HEPHL1: variants seen among roughly 807,000 people sequenced by gnomAD.
HEPHL1 encodes the protein hephaestin like 1, also known as ferroxidase HEPHL1.
HEPHL1 carries 123 observed loss-of-function variants against 122.0 expected under a neutral mutation model. That is an observed-to-expected ratio of 1.01 (90% CI 0.87 to 1.17). The LOEUF (loss-of-function observed/expected upper bound fraction) is 1.17. Among genes scored for constraint, HEPHL1 ranks in the 50% most tolerant of loss-of-function variants. The pLI is 0.00. For missense variants in HEPHL1, 1,452 were observed against 1,430.5 expected, an observed-to-expected ratio of 1.01 and a Z score of -0.24; for synonymous variants, 527 against 508.9, an observed-to-expected ratio of 1.04 and a Z score of -0.48.
At chr11:94,111,499 G>A in intron 18 of HEPHL1, 38 bp from the exon 19 acceptor site, 1 of 1,486,352 alleles carries the variant, frequency 6.7e-7, no homozygotes, top group Non-Finnish European at 9.2e-7. Context: ...ATCCCCTTCT[G>A]TTGTTAATAA....
Position 94,045,745 on chromosome 11 carries a change from C to T in HEPHL1, c.243C>T (p.Arg81=), listed in dbSNP as rs1320662227. The T allele has an allele frequency of 1.2e-6, 2 of 1,613,828 alleles. No homozygotes were observed. The highest frequency in any genetic ancestry group is 1.7e-6 in the Non-Finnish European group (2 of 1,179,832). ...TTTACAAAAAGGCTGTTTACAGACG[C>T]TTCACGGATGGAACCTACTCCATAG... ...GSIYKKAVYR[R]FTDGTYSIEI... The change falls in exon 2 of 20, where the codon CGC becomes CGT. Residue 81 remains arginine (R), a synonymous_variant. Coordinates refer to ENST00000315765, the MANE Select transcript of HEPHL1 (RefSeq NM_001098672.2).
intron 1 of HEPHL1, among the ~76,000 whole-genome samples, chr11:94,026,077 T>A (rs565329852): frequency 6.6e-6 from 1 of 152,268 alleles, no homozygotes; most frequent in South Asian, 2.1e-4. Flanking sequence ...TATCAGGGGC[T>A]TTCTGTATTT....
intron 9 of HEPHL1, among the ~76,000 whole-genome samples, chr11:94,081,089 G>A (rs1013211372): frequency 5.9e-5 from 9 of 152,142 alleles, no homozygotes; most frequent in Admixed American, 1.3e-4. Context: ...TGTGGTACAC[G>A]TACACCATGG....
At chr11:94,022,577 C>G (rs1264975489) in intron 1 of HEPHL1, among the ~76,000 whole-genome samples, 1 of 152,158 alleles carries the variant, frequency 6.6e-6, no homozygotes, top group Non-Finnish European at 1.5e-5. Flanking sequence ...TCTAACAAAA[C>G]AAAGGTGGTA....
intron 13 of HEPHL1, among the ~76,000 whole-genome samples, chr11:94,095,519 C>T (rs1297419291): frequency 6.6e-6 from 1 of 152,016 alleles, no homozygotes; most frequent in Non-Finnish European, 1.5e-5. Flanking sequence ...TAGTTTTTTC[C>T]AATTCTGTGA....
chr11:94,035,119 C>A (rs112021219), intron 1 of HEPHL1, among the ~76,000 whole-genome samples: 1,563 of 152,262 alleles, frequency 0.01, 27 homozygotes, highest in African/African-American at 0.035. Context: ...TATAAAGCTG[C>A]CTGTGATTTC....
intron 13 of HEPHL1, among the ~76,000 whole-genome samples, chr11:94,097,959 C>G (rs545683174): frequency 3.3e-5 from 5 of 149,376 alleles, no homozygotes; most frequent in Non-Finnish European, 7.5e-5. Flanking sequence ...TGGGTCTTGA[C>G]TCTTTATCCA....
intron 5 of HEPHL1, among the ~76,000 whole-genome samples, chr11:94,068,306 G>A (rs910379480): frequency 5.3e-5 from 8 of 152,074 alleles, no homozygotes; most frequent in Non-Finnish European, 7.4e-5. Context: ...ATCCCCCCTC[G>A]AATTATTTAA....
chr11:94,105,217 C>T (rs1946399096), intron 16 of HEPHL1, among the ~76,000 whole-genome samples: 2 of 152,140 alleles, frequency 1.3e-5, no homozygotes, highest in African/African-American at 4.8e-5. Flanking sequence ...CACATTGACA[C>T]ATCCACAGTT....
At chr11:94,106,880 C>T (rs925790101) in intron 17 of HEPHL1, among the ~76,000 whole-genome samples, 7 of 152,202 alleles carry the variant, frequency 4.6e-5, no homozygotes, top group African/African-American at 1.2e-4. Flanking sequence ...GGCCTAAGCC[C>T]TGAAACTTTA....
intron 1 of HEPHL1, among the ~76,000 whole-genome samples, chr11:94,025,905 C>A (rs553525254): frequency 6.6e-6 from 1 of 152,196 alleles, no homozygotes; most frequent in Non-Finnish European, 1.5e-5. Context: ...CCATATGAAT[C>A]TCTGGGAACT....
intron 15 of HEPHL1, among the ~76,000 whole-genome samples, chr11:94,103,704 T>C (rs1946387798): frequency 6.6e-6 from 1 of 152,206 alleles, no homozygotes; most frequent in South Asian, 2.1e-4. Flanking sequence ...CGTTATTTGA[T>C]GTAAAATGTA....
intron 2 of HEPHL1, among the ~76,000 whole-genome samples, chr11:94,056,210 G>A (rs1164007854): frequency 6.6e-6 from 1 of 151,934 alleles, no homozygotes; most frequent in Non-Finnish European, 1.5e-5. Flanking sequence ...TTTGCTATTT[G>A]AATTATTTTA....
intron 1 of HEPHL1, among the ~76,000 whole-genome samples, chr11:94,031,468 T>C (rs1177058651): frequency 2.0e-5 from 3 of 152,202 alleles, no homozygotes; most frequent in Admixed American, 2.0e-4. Flanking sequence ...CACCTTATTC[T>C]TTTCTTATGG....
rs372291213 is a variant in HEPHL1 at position 94,111,070 on chromosome 11, G to T, written c.3208+5G>T. The stretch of plus-strand genomic sequence containing the variant: ...ACACGGTCCTTCGTAACATAGGTAC[G>T]GTTGTCTGTCAGTGATGCCAGATGA... On this transcript the variant is annotated splice_donor_5th_base_variant and intron_variant, in intron 18 of 19. Transcript: ENST00000315765. The T allele has an allele frequency of 6.4e-7, 1 of 1,565,424 alleles. No individual in the cohort carries two copies. The highest frequency in any genetic ancestry group is 1.2e-5 in the South Asian group (1 of 85,116).
Position 94,110,942 on chromosome 11 carries a change from C to G in HEPHL1, c.3085C>G (p.Pro1029Ala). Residue 1029 changes from proline to alanine, a missense_variant, in exon 18 of 20, where the codon CCT becomes GCT. By Grantham distance (27) the Pro-to-Ala change is conservative (BLOSUM62 -1). Transcript: ENST00000315765. ...SYREDVYDLF[P>A]GTFQTIELFA... The stretch of plus-strand genomic sequence containing the variant: ...CCGAGAAGATGTGTATGATCTCTTT[C>G]CTGGGACATTCCAAACCATTGAACT... 1 of 1,613,052 alleles carries G rather than the reference C, an allele frequency of 6.2e-7. No individual in the cohort carries two copies. The highest frequency in any genetic ancestry group is 8.5e-7 in the Non-Finnish European group (1 of 1,179,546).
chr11:94,101,536 G>A (rs1469962494), intron 14 of HEPHL1, among the ~76,000 whole-genome samples: 1 of 151,998 alleles, frequency 6.6e-6, no homozygotes, highest in Non-Finnish European at 1.5e-5. Flanking sequence ...CCTCCATTAG[G>A]GACCCCATTG....
chr11:94,093,971 G>GATAGATAGATAGATATATATATAT (rs71036310), intron 13 of HEPHL1, among the ~76,000 whole-genome samples: 5 of 72,766 alleles, frequency 6.9e-5, no homozygotes, highest in East Asian at 4.7e-4. Flanking sequence ...TCCTCCAGCA[G>GATAGATAGATAGATATATATATAT]ATATATATAT....
chr11:94,107,377 A>G (rs1169503180), intron 17 of HEPHL1, among the ~76,000 whole-genome samples: 1 of 152,186 alleles, frequency 6.6e-6, no homozygotes, highest in Non-Finnish European at 1.5e-5. Context: ...TTTAATACAC[A>G]AAATTATAAA....
Sources: gnomAD v4.1 joint callset for allele counts (sites outside exome capture counted in the v4.1 genomes callset) on GRCh38, gnomAD v4.1.1 for gene constraint, MANE v1.5 for transcripts, NCBI Gene and HGNC (gene_info 2026-07-23, HGNC 2026-07-21) for gene names.